Variants in ABCB11 observed in about 807,000 individuals in gnomAD.
The protein encoded by ABCB11 is ATP binding cassette subfamily B member 11.
In ABCB11, 95 loss-of-function variants were observed where a neutral mutation model predicts 148.0. The ratio of observed to expected loss-of-function variants is 0.64; its 90% confidence interval spans 0.54 to 0.76. The LOEUF (loss-of-function observed/expected upper bound fraction) is 0.76. ABCB11 is among the 30% of genes least tolerant of loss of function. The pLI is 0.00. For missense variants in ABCB11, 1,523 were observed against 1,617.8 expected (o/e 0.94, Z 1.01); for synonymous variants, 591 against 555.4 (o/e 1.06, Z -0.90).
At chr2:168,957,852 GA>G in intron 19 of ABCB11, 111 bp downstream of exon 19, 1 of 1,094,666 alleles carries the variant, frequency 9.1e-7, no homozygotes. Flanking sequence ...TTAGAGATGA[GA>G]AAAATGAACT....
intron 10 of ABCB11, among the ~76,000 whole-genome samples, chr2:168,985,649 G>A (rs1006079122): frequency 6.6e-6 from 1 of 152,042 alleles, no homozygotes; most frequent in African/African-American, 2.4e-5. Flanking sequence ...ACAGCAACCT[G>A]GATGGGATTG....
chr2:168,986,005 C>CT (rs968457739), intron 10 of ABCB11, 105 bp downstream of exon 10: 1 of 948,808 alleles, frequency 1.1e-6, no homozygotes, highest in African/African-American at 1.7e-5. Flanking sequence ...ATCATTGATG[C>CT]TTTTTTCCTG....
intron 10 of ABCB11, among the ~76,000 whole-genome samples, chr2:168,982,291 TG>T (rs1244027158): frequency 6.6e-6 from 1 of 152,174 alleles, no homozygotes; most frequent in Non-Finnish European, 1.5e-5. Flanking sequence ...CAATATTTCT[TG>T]ACTTCATGGC....
At chr2:169,011,917 A>T (rs1573976214) in intron 5 of ABCB11, among the ~76,000 whole-genome samples, 1 of 152,014 alleles carries the variant, frequency 6.6e-6, no homozygotes, top group African/African-American at 2.4e-5. Context: ...CTCCTGTCTC[A>T]CCCTCCCAGA....
intron 5 of ABCB11, among the ~76,000 whole-genome samples, chr2:169,008,075 A>G (rs543784181): frequency 3.1e-4 from 47 of 152,336 alleles, no homozygotes; most frequent in African/African-American, 1.1e-3. Context: ...GAAGCCAAAC[A>G]TCACTGGTCC....
chr2:168,923,532 C>T lies in ABCB11; in HGVS notation c.*90G>A, dbSNP rs998445899. 6.0e-6 allele frequency: 7 copies of T among 1,170,140 alleles called. No homozygotes were observed. Among genetic ancestry groups the T allele is most frequent in the Non-Finnish European group, 8.6e-6 (7 of 814,270 alleles). The allele number at this position is 1,170,140 out of a possible 1,614,324, so 72.5% of individuals were successfully genotyped here. On this transcript the variant is annotated 3_prime_UTR_variant, in exon 28 of 28. Coordinates refer to ENST00000650372, the MANE Select transcript of ABCB11 (RefSeq NM_003742.4). ...ATTCTTCTTTAAAGAAAAAACAATC[C>T]CAGCAATCCCTCCTGCTGGGATTGT...
intron 1 of ABCB11, among the ~76,000 whole-genome samples, chr2:169,023,822 G>A (rs1015094261): frequency 6.6e-6 from 1 of 152,182 alleles, no homozygotes; most frequent in Non-Finnish European, 1.5e-5. Flanking sequence ...AATGAGACTG[G>A]GGAGGGGCTC....
chr2:169,030,717 T>A (rs550920027), intron 1 of ABCB11, among the ~76,000 whole-genome samples: 2 of 152,200 alleles, frequency 1.3e-5, no homozygotes, highest in South Asian at 2.1e-4. Context: ...CAGCTCATTT[T>A]TTTTTGCATC....
chr2:169,017,724 C>T (rs980928652), intron 2 of ABCB11, among the ~76,000 whole-genome samples: 1 of 152,084 alleles, frequency 6.6e-6, no homozygotes, highest in Admixed American at 6.6e-5. Flanking sequence ...GAGGAGCGCT[C>T]ACTCAATTAT....
intron 21 of ABCB11, among the ~76,000 whole-genome samples, chr2:168,943,533 T>C (rs1692164021): frequency 1.3e-5 from 2 of 152,010 alleles, no homozygotes; most frequent in Admixed American, 1.3e-4. Flanking sequence ...TACATAATTA[T>C]GAAAATATGT....
intron 25 of ABCB11, among the ~76,000 whole-genome samples, chr2:168,929,596 T>A (rs967276504): frequency 5.3e-5 from 8 of 152,182 alleles, no homozygotes; most frequent in Non-Finnish European, 1.2e-4. Context: ...GAATTCTTGA[T>A]AAAAGTGCAG....
intron 2 of ABCB11, 23 bp from the exon 3 acceptor site, chr2:169,016,822 C>G: frequency 6.4e-7 from 1 of 1,569,024 alleles, no homozygotes; most frequent in Non-Finnish European, 8.7e-7. Context: ...AAAATCAACG[C>G]AAAAAAGCAG....
Position 168,969,510 on chromosome 2 carries a change from C to A in ABCB11, c.1851G>T (p.Leu617Phe), listed in dbSNP as rs963949609. 2 of 1,612,544 alleles carry A rather than the reference C, an allele frequency of 1.2e-6. No individual in the cohort carries two copies. The highest frequency in any genetic ancestry group is 1.7e-6 in the Non-Finnish European group (2 of 1,179,174). The change falls in exon 16 of 28, where the codon TTG becomes TTT. Residue 617 changes from leucine (L) to phenylalanine (F), a missense_variant. Physicochemically the swap from Leu to Phe is conservative, Grantham distance 22 (BLOSUM62 0). Transcript: ENST00000650372. Reference sequence around the variant, plus strand: ...TGGTATCTGCAGCTCTGACCGTAGACAAGCGATGAGCAACTGAAATGATTG... The same window carrying A: ...TGGTATCTGCAGCTCTGACCGTAGAAAAGCGATGAGCAACTGAAATGATTG... ...GHTIISVAHR[L>F]STVRAADTII...
chr2:168,971,791 C>G, intron 14 of ABCB11, 56 bp downstream of exon 14: 1 of 1,537,666 alleles, frequency 6.5e-7, no homozygotes. Context: ...AATTGTGCAA[C>G]TTTTTTTCCT....
intron 19 of ABCB11, 74 bp downstream of exon 19, chr2:168,957,890 A>T: frequency 1.5e-6 from 2 of 1,304,004 alleles, no homozygotes; most frequent in Non-Finnish European, 2.0e-6. Context: ...ATACATGAAA[A>T]CAAAGAGCGG....
chr2:168,964,230 C>T lies in ABCB11; in HGVS notation c.2154G>A (p.Lys718=). 1 of 1,562,276 alleles carries T rather than the reference C, an allele frequency of 6.4e-7. No homozygotes were observed. The highest frequency in any genetic ancestry group is 8.7e-7 in the Non-Finnish European group (1 of 1,151,440). The change falls in exon 18 of 28, where the codon AAG becomes AAA. Residue 718 remains lysine, a synonymous_variant. Coordinates refer to ENST00000650372, the MANE Select transcript of ABCB11 (RefSeq NM_003742.4). Reference sequence around the variant, plus strand: ...CCTTTCTATCTTCTTCATAGGTAGACTTATGATCTACAACAGCTAATGGAG... The same window carrying T: ...CCTTTCTATCTTCTTCATAGGTAGATTTATGATCTACAACAGCTAATGGAG... ...HEPPLAVVDH[K]STYEEDRKDK...
chr2:169,006,328 A>C (rs1175115566), intron 5 of ABCB11, among the ~76,000 whole-genome samples: 1 of 152,198 alleles, frequency 6.6e-6, no homozygotes, highest in Non-Finnish European at 1.5e-5. Flanking sequence ...GATGAAGCAC[A>C]TGACTCAATT....
At chr2:168,998,811 T>A (rs1396423115) in intron 5 of ABCB11, among the ~76,000 whole-genome samples, 1 of 152,118 alleles carries the variant, frequency 6.6e-6, no homozygotes, top group African/African-American at 2.4e-5. Context: ...TTTATCACTC[T>A]CTTCACTCCT....
At position 168,935,252 on chromosome 2, in the gene ABCB11, A is replaced by G. The variant is rs762824612; in HGVS notation, c.2988T>C (p.Asn996=). 2.5e-6 allele frequency: 4 copies of G among 1,613,898 alleles called. No homozygotes were observed. In the Admixed American group the frequency reaches 5.0e-5, roughly 20 times the overall value. The change falls in exon 23 of 28, where the codon AAT becomes AAC. Residue 996 remains asparagine (N), a synonymous_variant. Transcript: ENST00000650372. ...AACCTCCATATCTGTAGGAAGCAGA[A>G]TTCGCAATAAACATGATGCACTGGG... is the stretch of plus-strand genomic sequence containing the variant. ...AFAQCIMFIA[N]SASYRYGGYL...
Sources: gnomAD v4.1 joint callset for allele counts (sites outside exome capture counted in the v4.1 genomes callset) on GRCh38, gnomAD v4.1.1 for gene constraint, MANE v1.5 for transcripts, NCBI Gene and HGNC (gene_info 2026-07-23, HGNC 2026-07-21) for gene names.